ALKAL1: variants seen among roughly 807,000 people sequenced by gnomAD.
ALKAL1 encodes AUG-beta.
ALKAL1 carries 23 observed loss-of-function variants against 13.5 expected under a neutral mutation model. The observed-to-expected ratio is 1.70, with a 90% CI of 1.23 to 2.41. The LOEUF (loss-of-function observed/expected upper bound fraction) is 2.41, where lower values mean the gene tolerates loss of function less well. ALKAL1 is among the 30% of genes most tolerant of loss of function. The pLI, the probability that ALKAL1 is intolerant of heterozygous loss-of-function variation, is 0.00. For missense variants in ALKAL1, 181 were observed against 178.4 expected (o/e 1.01, Z -0.08); for synonymous variants, 85 against 77.7 (o/e 1.09, Z -0.49).
chr8:52,547,455 G>A lies in ALKAL1; in HGVS notation c.191-5010C>T, dbSNP rs925444558. Reference sequence around the variant, plus strand: ...GTGGAGGTTGTAGTGAGCCAAGATCGCACCACTGCACTCCAGCCTGGGTGA... The same window carrying A: ...GTGGAGGTTGTAGTGAGCCAAGATCACACCACTGCACTCCAGCCTGGGTGA... On this transcript the variant is annotated intron_variant, in intron 1 of 4. Transcript: ENST00000358543. 6.6e-5 allele frequency among the ~76,000 whole-genome samples: 10 copies of A among 152,064 alleles called. No individual in the cohort carries two copies. The South Asian group carries it at 1.5e-3, about 22-fold the overall frequency.
intron 4 of ALKAL1, among the ~76,000 whole-genome samples, chr8:52,538,160 C>T (rs554327449): frequency 6.6e-6 from 1 of 150,866 alleles, no homozygotes; most frequent in Admixed American, 6.6e-5. Flanking sequence ...TACAGCGAGA[C>T]ATGAGGAACG....
At position 52,547,859 on chromosome 8, in the gene ALKAL1, A is replaced by G. The variant is rs537382109; in HGVS notation, c.191-5414T>C. On this transcript the variant is annotated intron_variant, in intron 1 of 4. Transcript: ENST00000358543. ...TAAAATTAATTTATTTTAACTAAGT[A>G]TAGCCAAAGTGTTACCATTTCAACT... Among the ~76,000 whole-genome samples the G allele has an allele frequency of 2.6e-3, 399 of 152,368 alleles. 2 individuals carry two copies. Among genetic ancestry groups the G allele is most frequent in the Non-Finnish European group, 3.0e-3 (206 of 68,034 alleles).
At chr8:52,539,716 A>G (rs1232322560) in intron 3 of ALKAL1, 115 bp downstream of exon 3, 5 of 747,382 alleles carry the variant, frequency 6.7e-6, no homozygotes, top group Non-Finnish European at 1.1e-5. Flanking sequence ...CAGTGTTATA[A>G]ATAGAATCTC....
chr8:52,560,010 G>T, intron 1 of ALKAL1, among the ~76,000 whole-genome samples: 1 of 151,840 alleles, frequency 6.6e-6, no homozygotes, highest in East Asian at 1.9e-4. Context: ...GTAGGCTATG[G>T]GATATTAAAA....
chr8:52,559,175 T>A (rs533505912), intron 1 of ALKAL1, among the ~76,000 whole-genome samples: 4 of 152,318 alleles, frequency 2.6e-5, no homozygotes, highest in African/African-American at 9.6e-5. Context: ...GAGGATCGAA[T>A]TTCAACATGA....
intron 4 of ALKAL1, among the ~76,000 whole-genome samples, chr8:52,535,944 A>ATT (rs10554878): frequency 4.1e-5 from 6 of 147,696 alleles, no homozygotes; most frequent in African/African-American, 1.5e-4. Flanking sequence ...CTCTATGACC[A>ATT]TTTTTTTTTT....
chr8:52,537,200 T>C (rs913250152), intron 4 of ALKAL1, among the ~76,000 whole-genome samples: 2 of 151,844 alleles, frequency 1.3e-5, no homozygotes, highest in South Asian at 2.1e-4. Context: ...CATACAAAAG[T>C]CTAACAAATA....
At chr8:52,556,539 C>T (rs1259556340) in intron 1 of ALKAL1, among the ~76,000 whole-genome samples, 3 of 143,052 alleles carry the variant, frequency 2.1e-5, no homozygotes, top group Admixed American at 7.5e-5. Context: ...CCCAGCTACA[C>T]GGGAGGCTGA....
intron 1 of ALKAL1, among the ~76,000 whole-genome samples, chr8:52,543,882 A>G (rs1365603757): frequency 1.3e-5 from 2 of 152,238 alleles, no homozygotes; most frequent in African/African-American, 4.8e-5. Context: ...AAAGCATTTT[A>G]GAGTATAATT....
chr8:52,556,306 C>A (rs1012754617), intron 1 of ALKAL1, among the ~76,000 whole-genome samples: 1 of 152,024 alleles, frequency 6.6e-6, no homozygotes, highest in Non-Finnish European at 1.5e-5. Context: ...AATAAGCACT[C>A]CATAAGAAAT....
At position 52,564,924 on chromosome 8, in the gene ALKAL1, A is replaced by G. The variant is rs560703199; in HGVS notation, c.190+143T>C. 2.1e-4 allele frequency: 125 copies of G among 605,792 alleles called. 5 individuals are homozygous for G. In the South Asian group the frequency reaches 5.8e-3, roughly 28 times the overall value. 37.5% of individuals were successfully genotyped at this position (605,792 alleles called of 1,614,324 possible). ...CTAATTCGCTTACGACCTCTTTCCG[A>G]GAGCTGGGAATCTGCAGAGATGCTC... is the stretch of plus-strand genomic sequence containing the variant. On this transcript the variant is annotated intron_variant, in intron 1 of 4. Transcript: ENST00000358543.
chr8:52,547,904 T>C (rs1847386388), intron 1 of ALKAL1, among the ~76,000 whole-genome samples: 2 of 152,208 alleles, frequency 1.3e-5, no homozygotes, highest in South Asian at 4.1e-4. Context: ...CAATATTAAT[T>C]ACTAATGAGA....
At chr8:52,559,407 T>C (rs961109728) in intron 1 of ALKAL1, among the ~76,000 whole-genome samples, 11 of 151,670 alleles carry the variant, frequency 7.3e-5, no homozygotes, top group Non-Finnish European at 1.2e-4. Flanking sequence ...TGTGGCTGGG[T>C]TTGGGGAGGG....
chr8:52,546,419 T>C (rs1362887307), intron 1 of ALKAL1, among the ~76,000 whole-genome samples: 3 of 152,304 alleles, frequency 2.0e-5, no homozygotes, highest in Admixed American at 2.0e-4. Flanking sequence ...AATAAAATAA[T>C]AGACGCTAGG....
chr8:52,562,679 T>G (rs1370882255), intron 1 of ALKAL1, among the ~76,000 whole-genome samples: 1 of 152,178 alleles, frequency 6.6e-6, no homozygotes. Flanking sequence ...ACAGAGCAAG[T>G]GCAGGGGCAG....
intron 1 of ALKAL1, among the ~76,000 whole-genome samples, chr8:52,551,681 G>T: frequency 6.6e-6 from 1 of 151,640 alleles, no homozygotes; most frequent in African/African-American, 2.4e-5. Flanking sequence ...GTGTTATTTG[G>T]ATTTTTTTCT....
intron 1 of ALKAL1, among the ~76,000 whole-genome samples, chr8:52,543,029 T>G (rs1399845985): frequency 6.6e-6 from 1 of 152,158 alleles, no homozygotes; most frequent in Non-Finnish European, 1.5e-5. Flanking sequence ...CAAACAGAAA[T>G]ATACTATAAG....
intron 1 of ALKAL1, among the ~76,000 whole-genome samples, chr8:52,553,260 A>T (rs1847447324): frequency 6.6e-6 from 1 of 152,118 alleles, no homozygotes; most frequent in African/African-American, 2.4e-5. Context: ...AGGCAGAAGG[A>T]TCCCTTGAGC....
At chr8:52,544,189 A>C (rs1473922215) in intron 1 of ALKAL1, among the ~76,000 whole-genome samples, 5 of 152,164 alleles carry the variant, frequency 3.3e-5, no homozygotes, top group African/African-American at 1.2e-4. Context: ...GCTCAAATGG[A>C]AACATCAGTG....
Sources: gnomAD v4.1 joint callset for allele counts (sites outside exome capture counted in the v4.1 genomes callset) on GRCh38, gnomAD v4.1.1 for gene constraint, MANE v1.5 for transcripts, NCBI Gene and HGNC (gene_info 2026-07-23, HGNC 2026-07-21) for gene names.